Variants in ST3GAL4 observed in about 807,000 individuals in gnomAD.
The protein encoded by ST3GAL4 is ST3 beta-galactoside alpha-2,3-sialyltransferase 4, also known as CMP-N-acetylneuraminate-beta-galactosamide-alpha-2,3-sialyltransferase 4.
Under a neutral mutation model 42.6 loss-of-function variants are expected in ST3GAL4, and 24 were observed. That is an observed-to-expected ratio of 0.56 (90% confidence interval 0.41 to 0.79). The LOEUF (loss-of-function observed/expected upper bound fraction) is 0.79. Ranked by LOEUF, ST3GAL4 falls within the 30% of genes least tolerant of loss-of-function variation. The pLI, the probability that ST3GAL4 is intolerant of heterozygous loss-of-function variation, is 0.00. For synonymous variants in ST3GAL4, 135 were observed against 163.2 expected (o/e 0.83, Z 1.32); for missense variants, 311 against 430.8 (o/e 0.72, Z 2.46).
rs1953607736 is a variant in ST3GAL4 at position 126,393,621 on chromosome 11, C to T, written c.-60-12475C>T. On this transcript the variant is annotated intron_variant, in intron 1 of 10. Coordinates refer to ENST00000444328, the MANE Select transcript of ST3GAL4 (RefSeq NM_001254757.2). The surrounding 1 kb of genome is among the most constrained non-coding windows in gnomAD (Gnocchi z 5.9). ...CCTTTCTGAAGTGGAGCCTTGGGAGCCGATGAAGCTTAATAAACTCTCCTG... is the reference window on the plus strand; with the variant it reads ...CCTTTCTGAAGTGGAGCCTTGGGAGTCGATGAAGCTTAATAAACTCTCCTG... Among the ~76,000 whole-genome samples, 2 of 152,094 alleles carry T rather than the reference C, an allele frequency of 1.3e-5. No individual in the cohort carries two copies.
rs906705139 is a variant in ST3GAL4 at position 126,384,213 on chromosome 11, C to A, written c.-60-21883C>A. On this transcript the variant is annotated intron_variant, in intron 1 of 10. Coordinates refer to ENST00000444328, the MANE Select transcript of ST3GAL4 (RefSeq NM_001254757.2). The surrounding 1 kb of genome is among the most constrained non-coding windows in gnomAD (Gnocchi z 5.5). ...CTGACCATGGTGTCCGTCTCAGTGC[C>A]CAGCAGTTGTTCTGGTGATGGGAGG... Among the ~76,000 whole-genome samples the A allele has an allele frequency of 3.9e-5, 6 of 152,186 alleles. No individual in the cohort carries two copies. Among genetic ancestry groups the A allele is most frequent in the Admixed American group, 2.6e-4 (4 of 15,270 alleles).
intron 1 of ST3GAL4, chr11:126,403,491 G>T (rs12574844): frequency 4.1e-6 from 4 of 974,594 alleles, no homozygotes; most frequent in East Asian, 1.1e-4. Flanking sequence ...GAGGAGGTAC[G>T]GCGCTGATTT....
chr11:126,361,463 G>A (rs372898822), intron 1 of ST3GAL4, among the ~76,000 whole-genome samples: 2 of 150,568 alleles, frequency 1.3e-5, no homozygotes, highest in Admixed American at 6.7e-5. Flanking sequence ...TCACCTCCTC[G>A]CCTTTGCTTC....
chr11:126,412,340 T>C (rs1195157935), intron 9 of ST3GAL4, among the ~76,000 whole-genome samples: 1 of 152,086 alleles, frequency 6.6e-6, no homozygotes, highest in Non-Finnish European at 1.5e-5. Context: ...AAAGCTGGCA[T>C]GTCGACAGGC....
Position 126,406,541 on chromosome 11 carries a change from G to T in ST3GAL4, c.85G>T (p.Asp29Tyr). The change falls in exon 3 of 11, where the codon GAC becomes TAC. Residue 29 changes from aspartate (D) to tyrosine (Y), a missense_variant. Transcript: ENST00000444328. The surrounding 1 kb of genome is among the most constrained non-coding windows in gnomAD (Gnocchi z 5.4). ...VMVWYSISRE[D>Y]RYIELFYFPI... The stretch of plus-strand genomic sequence containing the variant: ...GGTGTGGTATTCCATCTCCCGGGAA[G>T]ACAGGTACATCGAGCTGTGAGTTCA... 1 of 1,614,178 alleles carries T rather than the reference G, an allele frequency of 6.2e-7. No individual in the cohort carries two copies. The highest frequency in any genetic ancestry group is 8.5e-7 in the Non-Finnish European group (1 of 1,180,032).
intron 1 of ST3GAL4, among the ~76,000 whole-genome samples, chr11:126,372,681 G>T (rs1952701859): frequency 6.6e-6 from 1 of 152,118 alleles, no homozygotes; most frequent in African/African-American, 2.4e-5. Flanking sequence ...CTCCCAATGT[G>T]CTGGGATTAA....
At position 126,359,317 on chromosome 11, in the gene ST3GAL4, G is replaced by A. The variant is rs115908604; in HGVS notation, c.-61+3475G>A. Among the ~76,000 whole-genome samples, 2,695 of 151,956 alleles carry A rather than the reference G, an allele frequency of 0.018. 86 individuals carry two copies. Among genetic ancestry groups the A allele is most frequent in the African/African-American group, 0.06 (2,489 of 41,418 alleles). Reference sequence around the variant, plus strand: ...AAACTTAAAAAAAAAAAAAAGATGTGCTAGACACTTTACGTCCCTTCATGT... The same window carrying A: ...AAACTTAAAAAAAAAAAAAAGATGTACTAGACACTTTACGTCCCTTCATGT... On this transcript the variant is annotated intron_variant, in intron 1 of 10. Transcript: ENST00000444328. This position sits in a 1 kb window ranked among gnomAD's most constrained non-coding sequence, Gnocchi z 4.8.
chr11:126,388,481 C>A (rs1001641996), intron 1 of ST3GAL4, among the ~76,000 whole-genome samples: 1 of 151,964 alleles, frequency 6.6e-6, no homozygotes, highest in Non-Finnish European at 1.5e-5. Context: ...CAGGCACCTG[C>A]CACCATGCCT....
chr11:126,394,197 T>C (rs1953634085), intron 1 of ST3GAL4, among the ~76,000 whole-genome samples: 1 of 147,868 alleles, frequency 6.8e-6, no homozygotes, highest in Non-Finnish European at 1.5e-5. Flanking sequence ...ACTGGTACCT[T>C]TGGCTTTAGA....
rs935398269 is a variant in ST3GAL4 at position 126,391,624 on chromosome 11, G to A, written c.-60-14472G>A. On this transcript the variant is annotated intron_variant, in intron 1 of 10. Transcript: ENST00000444328. The surrounding 1 kb of genome is among the most constrained non-coding windows in gnomAD (Gnocchi z 5.5). ...TTCAGTGCAGGGCAGAGCCTGGGTG[G>A]CAGTGCCTCTCCTTGCCTCCCTGGC... is the stretch of plus-strand genomic sequence containing the variant. 1.2e-4 allele frequency among the ~76,000 whole-genome samples: 18 copies of A among 152,202 alleles called. No individual in the cohort carries two copies. Among genetic ancestry groups the A allele is most frequent in the African/African-American group, 4.3e-4 (18 of 41,460 alleles).
chr11:126,390,702 C>T (rs1387068612), intron 1 of ST3GAL4, among the ~76,000 whole-genome samples: 1 of 146,206 alleles, frequency 6.8e-6, no homozygotes, highest in Non-Finnish European at 1.5e-5. Flanking sequence ...TATTTACCAT[C>T]TTAACTCTTT....
intron 1 of ST3GAL4, among the ~76,000 whole-genome samples, chr11:126,377,177 C>CTT (rs567652765): frequency 6.8e-6 from 1 of 147,580 alleles, no homozygotes; most frequent in Non-Finnish European, 1.5e-5. Context: ...AAAAATGACA[C>CTT]TTTTTTTTTT....
chr11:126,357,017 A>G (rs1455208118), intron 1 of ST3GAL4, among the ~76,000 whole-genome samples: 4 of 152,254 alleles, frequency 2.6e-5, no homozygotes, highest in African/African-American at 7.2e-5. Flanking sequence ...GGAGAGCTGT[A>G]TAAATATTCA....
rs1404471842 is a variant in ST3GAL4, at chr11:126,408,276, T to C, written c.438-31T>C. On this transcript the variant is annotated intron_variant, in intron 7 of 10. Transcript: ENST00000444328. ...ACTGTAGACAGGCCCAGGAGGCCTCTAGTGATGGGAATCCTCCTCCCAACC... is the reference window on the plus strand; with the variant it reads ...ACTGTAGACAGGCCCAGGAGGCCTCCAGTGATGGGAATCCTCCTCCCAACC... The C allele has an allele frequency of 1.9e-6, 3 of 1,612,884 alleles. No individual in the cohort carries two copies. In the African/African-American group the frequency reaches 4.0e-5, roughly 22 times the overall value.
chr11:126,388,674 T>TG (rs1953336804), intron 1 of ST3GAL4, among the ~76,000 whole-genome samples: 1 of 142,080 alleles, frequency 7.0e-6, no homozygotes, highest in African/African-American at 2.6e-5. Context: ...TTTTTTTTTT[T>TG]TTTTTTTCTG....
chr11:126,384,464 A>T lies in ST3GAL4; in HGVS notation c.-60-21632A>T, dbSNP rs1421378022. On this transcript the variant is annotated intron_variant, in intron 1 of 10. Coordinates refer to ENST00000444328, the MANE Select transcript of ST3GAL4 (RefSeq NM_001254757.2). The surrounding 1 kb of genome is among the most constrained non-coding windows in gnomAD (Gnocchi z 5.5). ...GTACTGGGTTTGGATAGAGTGTGTCATCTGCAGAGGCAGCACTGTTCTGGA... is the reference window on the plus strand; with the variant it reads ...GTACTGGGTTTGGATAGAGTGTGTCTTCTGCAGAGGCAGCACTGTTCTGGA... Among the ~76,000 whole-genome samples the T allele has an allele frequency of 6.6e-6, 1 of 152,006 alleles. No individual in the cohort carries two copies. The highest frequency in any genetic ancestry group is 1.5e-5 in the Non-Finnish European group (1 of 68,004).
Position 126,363,832 on chromosome 11 carries a change from A to ACCT in ST3GAL4, c.-61+7991_-61+7992insCTC, listed in dbSNP as rs1952335213. ...TCTCAGACCCCATTGAGGTGAGCAC[A>ACCT]CAACAGTGTTCTGTGTGAGGGTCTG... On this transcript the variant is annotated intron_variant, in intron 1 of 10. Coordinates refer to ENST00000444328, the MANE Select transcript of ST3GAL4 (RefSeq NM_001254757.2). This position sits in a 1 kb window ranked among gnomAD's most constrained non-coding sequence, Gnocchi z 4.6. 6.6e-6 allele frequency among the ~76,000 whole-genome samples: 1 copy of ACCT among 152,230 alleles called. No individual in the cohort carries two copies. Among genetic ancestry groups the ACCT allele is most frequent in the African/African-American group, 2.4e-5 (1 of 41,464 alleles).
intron 4 of ST3GAL4, 98 bp downstream of exon 4, chr11:126,407,121 T>G: frequency 6.8e-7 from 1 of 1,471,174 alleles, no homozygotes; most frequent in Non-Finnish European, 9.5e-7. Context: ...GCAGCTGTGT[T>G]GGTGGACATG....
In ST3GAL4 at chr11:126,414,222, G is replaced by A; in HGVS notation, c.*175G>A. The A allele has an allele frequency of 4.6e-6, 3 of 651,768 alleles. No homozygotes were observed. Among genetic ancestry groups the A allele is most frequent in the Non-Finnish European group, 8.1e-6 (3 of 371,254 alleles). The allele number at this position is 651,768 out of a possible 1,614,324, so 40.4% of individuals were successfully genotyped here. On this transcript the variant is annotated 3_prime_UTR_variant, in exon 11 of 11. Transcript: ENST00000444328. ...AGGCCATGCCCCTGGCTGCTCTTATGGAGCCGAGATCCAGTCAGGGTGGGG... is the reference window on the plus strand; with the variant it reads ...AGGCCATGCCCCTGGCTGCTCTTATAGAGCCGAGATCCAGTCAGGGTGGGG...
Sources: gnomAD v4.1 joint callset for allele counts (sites outside exome capture counted in the v4.1 genomes callset) on GRCh38, gnomAD v4.1.1 for gene constraint, Gnocchi (gnomAD v3.1) non-coding constraint, MANE v1.5 for transcripts, NCBI Gene and HGNC (gene_info 2026-07-23, HGNC 2026-07-21) for gene names.